The following ANO5 variants were observed in gnomAD, a reference collection of about 807,000 sequenced individuals.
The protein encoded by ANO5 is anoctamin 5.
ANO5 carries 109 observed loss-of-function variants against 121.0 expected under a neutral mutation model. The observed-to-expected ratio is 0.90, with a 90% CI of 0.77 to 1.06. The LOEUF (loss-of-function observed/expected upper bound fraction) is 1.06. Ranked by LOEUF, ANO5 falls within the 50% of genes least tolerant of loss-of-function variation. The pLI is 0.00. For missense variants in ANO5, 1,064 were observed against 1,078.5 expected (o/e 0.99, Z 0.19); for synonymous variants, 406 against 359.9 (o/e 1.13, Z -1.45).
intron 9 of ANO5, among the ~76,000 whole-genome samples, chr11:22,244,549 T>C (rs1180288689): frequency 6.6e-6 from 1 of 151,866 alleles, no homozygotes; most frequent in African/African-American, 2.4e-5. Context: ...TCTCTTTATG[T>C]AATCCTAAAT....
intron 2 of ANO5, among the ~76,000 whole-genome samples, chr11:22,206,560 T>A (rs1156415084): frequency 6.6e-6 from 1 of 152,092 alleles, no homozygotes; most frequent in Non-Finnish European, 1.5e-5. Flanking sequence ...GTGATCCGCC[T>A]ACCTTGGCCT....
chr11:22,260,258 G>C (rs1484995491), intron 15 of ANO5, among the ~76,000 whole-genome samples: 1 of 152,176 alleles, frequency 6.6e-6, no homozygotes, highest in Non-Finnish European at 1.5e-5. Flanking sequence ...AGGGGAAAGT[G>C]AAAGGGGTCA....
At chr11:22,215,675 T>C (rs1386732527) in intron 3 of ANO5, among the ~76,000 whole-genome samples, 1 of 151,972 alleles carries the variant, frequency 6.6e-6, no homozygotes, top group Non-Finnish European at 1.5e-5. Context: ...ATCAGAAATT[T>C]ATGAAAAAAG....
At chr11:22,270,232 T>C (rs1430732859) in intron 17 of ANO5, 80 bp from the exon 18 acceptor site, 1 of 1,549,724 alleles carries the variant, frequency 6.5e-7, no homozygotes, top group Non-Finnish European at 8.9e-7. Flanking sequence ...TTCTGCCAGT[T>C]TCCAGATCTA....
intron 15 of ANO5, 60 bp from the exon 16 acceptor site, chr11:22,262,069 G>A: frequency 1.3e-6 from 2 of 1,531,588 alleles, no homozygotes; most frequent in Non-Finnish European, 1.8e-6. Flanking sequence ...GTCCTAGGGA[G>A]TACGAAGTTC....
intron 9 of ANO5, among the ~76,000 whole-genome samples, chr11:22,243,830 G>A (rs982530772): frequency 6.6e-6 from 1 of 152,112 alleles, no homozygotes; most frequent in African/African-American, 2.4e-5. Flanking sequence ...AGCTAGGGTG[G>A]TCTGTCTTAT....
chr11:22,264,024 C>CT (rs71034583), intron 17 of ANO5, among the ~76,000 whole-genome samples: 97,444 of 127,888 alleles, frequency 0.76, 39,957 homozygotes, highest in Non-Finnish European at 0.88. Context: ...ATAGCCAAAC[C>CT]TTTTTTTTTT....
At chr11:22,193,649 G>T (rs1851721368) in intron 1 of ANO5, 117 bp downstream of exon 1, 1 of 1,303,192 alleles carries the variant, frequency 7.7e-7, no homozygotes, top group African/African-American at 1.5e-5. Flanking sequence ...TCCTAGGGAG[G>T]TTCGCTGCGT....
rs1352472594 is a variant in ANO5, at chr11:22,262,241, G to C, written c.1743G>C (p.Lys581Asn). The change falls in exon 16 of 22, where the codon AAG (lysine) becomes AAC (asparagine). Residue 581 changes from lysine (K) to asparagine (N), a missense_variant. Lys to Asn is a moderately conservative substitution (Grantham distance 94, BLOSUM62 0). Coordinates refer to ENST00000324559, the MANE Select transcript of ANO5 (RefSeq NM_213599.3). ...SCFYVAFFKGKFVGYPGKYTY... is the reference protein window; with the variant it reads ...SCFYVAFFKGNFVGYPGKYTY... ...TCTACGTAGCTTTCTTTAAAGGGAA[G>C]TTCGTAGGCTATCCTGGAAAATACA... 1 of 1,613,802 alleles carries C rather than the reference G, an allele frequency of 6.2e-7. No homozygotes were observed. The highest frequency in any genetic ancestry group is 1.3e-5 in the African/African-American group (1 of 74,918).
intron 19 of ANO5, among the ~76,000 whole-genome samples, chr11:22,273,547 A>C (rs761740517): frequency 6.6e-6 from 1 of 152,130 alleles, no homozygotes; most frequent in Admixed American, 6.5e-5. Flanking sequence ...GAATGAGCCA[A>C]AACCACTATT....
At chr11:22,274,363 G>A (rs967986086) in intron 19 of ANO5, among the ~76,000 whole-genome samples, 2 of 152,084 alleles carry the variant, frequency 1.3e-5, no homozygotes, top group African/African-American at 4.8e-5. Context: ...CCACTTTGTA[G>A]CTATGAAATC....
intron 5 of ANO5, among the ~76,000 whole-genome samples, chr11:22,223,210 C>T (rs752470349): frequency 3.9e-5 from 6 of 152,018 alleles, no homozygotes; most frequent in Middle Eastern, 3.4e-3. Flanking sequence ...AATCACAGGA[C>T]TCAGTATATA....
rs1344782703 is a variant in ANO5, at chr11:22,255,480, T to C, written c.1290T>C (p.Phe430=). 2 of 1,613,450 alleles carry C rather than the reference T, an allele frequency of 1.2e-6. No homozygotes were observed. Among genetic ancestry groups the C allele is most frequent in the African/African-American group, 2.7e-5 (2 of 74,880 alleles). The stretch of plus-strand genomic sequence containing the variant: ...AGCAGCTTCAGCTGAGACCAGAATT[T>C]GAAGCTATGTGTAAACACAGGAAAT... ...EQQQLQLRPE[F]EAMCKHRKLN... The change falls in exon 13 of 22, where the codon TTT becomes TTC. Residue 430 remains phenylalanine, a synonymous_variant. Coordinates refer to ENST00000324559, the MANE Select transcript of ANO5 (RefSeq NM_213599.3).
chr11:22,227,670 A>G (rs546271466), intron 7 of ANO5, 84 bp downstream of exon 7: 57 of 1,532,122 alleles, frequency 3.7e-5, no homozygotes, highest in Non-Finnish European at 4.9e-5. Context: ...CAGATGTCGT[A>G]CCATTTCTGC....
chr11:22,232,232 T>C (rs1452805651), intron 7 of ANO5, among the ~76,000 whole-genome samples: 3 of 152,020 alleles, frequency 2.0e-5, no homozygotes, highest in Non-Finnish European at 4.4e-5. Flanking sequence ...AGAAATTTAT[T>C]TGTGTATGTG....
At chr11:22,192,933 G>GGGCCAGCGTGGAGCC, upstream of ANO5, 2 of 965,688 alleles carry the variant, frequency 2.1e-6, no homozygotes, top group Non-Finnish European at 2.5e-6. Flanking sequence ...GGAGAGGAGG[G>GGGCCAGCGTGGAGCC]GGCCAGCGTG....
In ANO5 at chr11:22,219,384, C is replaced by T. The variant is rs575267051; in HGVS notation, c.180+1097C>T. Reference sequence around the variant, plus strand: ...TGAATATGAGTTTTGTTAATTCATACGTGCACATGTTCTGTTACCAGAACT... The same window carrying T: ...TGAATATGAGTTTTGTTAATTCATATGTGCACATGTTCTGTTACCAGAACT... On this transcript the variant is annotated intron_variant, in intron 4 of 21. Transcript: ENST00000324559. 4.6e-5 allele frequency among the ~76,000 whole-genome samples: 7 copies of T among 151,962 alleles called. No individual in the cohort carries two copies. The South Asian group carries it at 6.2e-4, about 14-fold the overall frequency.
chr11:22,268,779 G>A (rs1438413641), intron 17 of ANO5, among the ~76,000 whole-genome samples: 1 of 152,154 alleles, frequency 6.6e-6, no homozygotes, highest in Non-Finnish European at 1.5e-5. Flanking sequence ...ATTTTGGGAG[G>A]CTGAGGAGGG....
intron 1 of ANO5, 100 bp downstream of exon 1, chr11:22,193,632 G>A (rs958986737): frequency 9.0e-6 from 13 of 1,440,964 alleles, no homozygotes; most frequent in Non-Finnish European, 1.2e-5. Context: ...CGGCCCTGCG[G>A]CCTGAGTCCT....
Sources: gnomAD v4.1 joint callset for allele counts (sites outside exome capture counted in the v4.1 genomes callset) on GRCh38, gnomAD v4.1.1 for gene constraint, MANE v1.5 for transcripts, NCBI Gene and HGNC (gene_info 2026-07-23, HGNC 2026-07-21) for gene names.